The following SDCCAG8 variants were observed in gnomAD, a reference collection of about 807,000 sequenced individuals.
The protein encoded by SDCCAG8 is SHH signaling and ciliogenesis regulator SDCCAG8.
SDCCAG8 carries 74 observed loss-of-function variants against 101.8 expected under a neutral mutation model. That is an observed-to-expected ratio of 0.73 (90% CI 0.60 to 0.88). SDCCAG8 has a LOEUF of 0.88. SDCCAG8 is among the 40% of genes least tolerant of loss of function. The probability of loss-of-function intolerance (pLI) is 0.00; values close to 1 mark genes in which losing one functional copy is unlikely to be tolerated. For synonymous variants in SDCCAG8, 281 were observed against 292.9 expected (o/e 0.96, Z 0.41); for missense variants, 787 against 822.6 (o/e 0.96, Z 0.53).
rs987784074 is a variant in SDCCAG8, at chr1:243,499,927, CG to C, written c.*145del. On this transcript the variant is annotated 3_prime_UTR_variant, in exon 18 of 18. Coordinates refer to ENST00000366541, the MANE Select transcript of SDCCAG8 (RefSeq NM_006642.5). ...GCAGTGGGGCTGGTCCTCATCAACG[CG>C]GGCGCTGTCCCCGCACGCAGTCGGG... 7.9e-6 allele frequency: 6 copies of C among 762,950 alleles called. No homozygotes were observed. Among genetic ancestry groups the C allele is most frequent in the South Asian group, 7.3e-5 (5 of 68,684 alleles). The allele number at this position is 762,950 out of a possible 1,614,324, so 47.3% of individuals were successfully genotyped here.
At chr1:243,265,981 G>A (rs1248081258) in intron 1 of SDCCAG8, among the ~76,000 whole-genome samples, 1 of 152,022 alleles carries the variant, frequency 6.6e-6, no homozygotes, top group Non-Finnish European at 1.5e-5. Context: ...TGCCTTAGAG[G>A]TGAAGTCATT....
At chr1:243,396,478 A>G (rs1229899423) in intron 13 of SDCCAG8, among the ~76,000 whole-genome samples, 2 of 152,204 alleles carry the variant, frequency 1.3e-5, no homozygotes, top group Non-Finnish European at 2.9e-5. Flanking sequence ...GTGTTAATAT[A>G]TAGCTTATAA....
intron 12 of SDCCAG8, among the ~76,000 whole-genome samples, chr1:243,347,716 G>T (rs1397891131): frequency 6.6e-6 from 1 of 152,180 alleles, no homozygotes; most frequent in East Asian, 1.9e-4. Context: ...TCACAGCCTT[G>T]TATTTAAGAT....
chr1:243,496,896 G>A (rs910506376), intron 17 of SDCCAG8, among the ~76,000 whole-genome samples: 2 of 152,220 alleles, frequency 1.3e-5, no homozygotes, highest in Admixed American at 6.5e-5. Flanking sequence ...CTGCAGATGG[G>A]GGCACGTTTC....
At chr1:243,449,311 G>A (rs970117505) in intron 16 of SDCCAG8, among the ~76,000 whole-genome samples, 1 of 152,178 alleles carries the variant, frequency 6.6e-6, no homozygotes, top group South Asian at 2.1e-4. Context: ...TAACCATTTG[G>A]AATGAATTAT....
chr1:243,286,523 G>A (rs1428388023), intron 5 of SDCCAG8, 126 bp downstream of exon 5: 2 of 936,496 alleles, frequency 2.1e-6, no homozygotes, highest in Non-Finnish European at 3.3e-6. Flanking sequence ...GTTGGTATTT[G>A]TTTGAGACCT....
At chr1:243,273,178 C>CA (rs2068235480) in intron 3 of SDCCAG8, among the ~76,000 whole-genome samples, 1 of 151,890 alleles carries the variant, frequency 6.6e-6, no homozygotes, top group African/African-American at 2.4e-5. Flanking sequence ...TTAAATATAC[C>CA]AAAAAACCAA....
intron 13 of SDCCAG8, among the ~76,000 whole-genome samples, chr1:243,387,199 T>C (rs1388590402): frequency 6.6e-6 from 1 of 152,204 alleles, no homozygotes; most frequent in Admixed American, 6.5e-5. Context: ...GTTTATGTGA[T>C]TCTTATTAAC....
At chr1:243,392,339 A>T (rs1237855830) in intron 13 of SDCCAG8, among the ~76,000 whole-genome samples, 1 of 152,192 alleles carries the variant, frequency 6.6e-6, no homozygotes, top group Non-Finnish European at 1.5e-5. Flanking sequence ...TTCTTTCTAC[A>T]TCTTAAATGA....
chr1:243,275,856 GTTTTTTTTTT>G (rs11344816), intron 4 of SDCCAG8, among the ~76,000 whole-genome samples: 9 of 59,112 alleles, frequency 1.5e-4, no homozygotes, highest in Non-Finnish European at 2.4e-4. Context: ...TTGAACCAAT[GTTTTTTTTTT>G]TTTTTTTTTT....
intron 4 of SDCCAG8, 75 bp downstream of exon 4, chr1:243,274,731 T>C (rs2068388485): frequency 1.1e-6 from 1 of 904,458 alleles, no homozygotes; most frequent in Non-Finnish European, 1.8e-6. Context: ...TAAAATTTGC[T>C]GCTATAAATC....
chr1:243,347,437 T>G (rs2075784268), intron 12 of SDCCAG8, among the ~76,000 whole-genome samples: 1 of 152,252 alleles, frequency 6.6e-6, no homozygotes, highest in Non-Finnish European at 1.5e-5. Context: ...TGTTTTTGTA[T>G]GTCCAATTTT....
At chr1:243,281,248 C>G (rs1450147167) in intron 4 of SDCCAG8, among the ~76,000 whole-genome samples, 1 of 147,044 alleles carries the variant, frequency 6.8e-6, no homozygotes, top group African/African-American at 2.5e-5. Flanking sequence ...TATTTTAAAT[C>G]TATCTGTGTC....
intron 12 of SDCCAG8, among the ~76,000 whole-genome samples, chr1:243,349,825 C>T (rs186714913): frequency 1.7e-4 from 25 of 150,976 alleles, no homozygotes; most frequent in African/African-American, 4.1e-4. Flanking sequence ...ATATAGAAAG[C>T]GTCTTTCTTT....
chr1:243,303,489 G>A (rs948809762), intron 6 of SDCCAG8, among the ~76,000 whole-genome samples: 2 of 152,014 alleles, frequency 1.3e-5, no homozygotes, highest in Admixed American at 6.5e-5. Flanking sequence ...TGCCATCCCT[G>A]AGAAGACAAG....
rs530653617 is a variant in SDCCAG8 at position 243,365,015 on chromosome 1, A to G, written c.1474-13706A>G. ...CGATATGTTTTCTTTATTGCATTGA[A>G]AAGTTAATTATTACCAATAGAAGCT... On this transcript the variant is annotated intron_variant, in intron 12 of 17. Transcript: ENST00000366541. 5.3e-5 allele frequency among the ~76,000 whole-genome samples: 8 copies of G among 152,322 alleles called. No homozygotes were observed. In the South Asian group the frequency reaches 1.7e-3, roughly 32 times the overall value.
intron 16 of SDCCAG8, among the ~76,000 whole-genome samples, chr1:243,442,201 G>T (rs1259462430): frequency 6.6e-6 from 1 of 152,160 alleles, no homozygotes; most frequent in Non-Finnish European, 1.5e-5. Flanking sequence ...TCTTGAGATT[G>T]AGGAATTGTG....
intron 12 of SDCCAG8, among the ~76,000 whole-genome samples, chr1:243,365,742 C>T (rs893338689): frequency 6.6e-6 from 1 of 151,958 alleles, no homozygotes; most frequent in Admixed American, 6.6e-5. Context: ...ACTAATTATC[C>T]AGCTTTCTTT....
intron 6 of SDCCAG8, among the ~76,000 whole-genome samples, chr1:243,304,438 G>A (rs1225925529): frequency 6.6e-6 from 1 of 152,118 alleles, no homozygotes; most frequent in Non-Finnish European, 1.5e-5. Flanking sequence ...GGTTATAACT[G>A]TTTTTCCCCA....
Sources: gnomAD v4.1 joint callset for allele counts (sites outside exome capture counted in the v4.1 genomes callset) on GRCh38, gnomAD v4.1.1 for gene constraint, MANE v1.5 for transcripts, NCBI Gene and HGNC (gene_info 2026-07-23, HGNC 2026-07-21) for gene names.